Variants in LHFPL3 observed in about 807,000 individuals in gnomAD.
LHFPL3 encodes the protein LHFPL tetraspan subfamily member 3, also known as LHFPL tetraspan subfamily member 3 protein.
Under a neutral mutation model 19.3 loss-of-function variants are expected in LHFPL3, and 5 were observed. That is an observed-to-expected ratio of 0.26 (90% CI 0.14 to 0.54). The LOEUF is 0.54. LHFPL3 is among the 20% of genes least tolerant of loss of function. LHFPL3 has a pLI of 0.94. For synonymous variants in LHFPL3, 133 were observed against 126.2 expected (o/e 1.05, Z -0.36); for missense variants, 249 against 307.4 (o/e 0.81, Z 1.42).
Position 104,584,313 on chromosome 7 carries a change from TG to T in LHFPL3, c.446-152356del, listed in dbSNP as rs1185127632. On this transcript the variant is annotated intron_variant, in intron 1 of 2. Coordinates refer to ENST00000424859, the MANE Select transcript of LHFPL3 (RefSeq NM_199000.3). ...TCACACACTAGGGACTGTTGTGGGG[TG>T]GGGGGAGAGGGGAGGGATAGCATTA... Among the ~76,000 whole-genome samples the T allele has an allele frequency of 1.4e-4, 21 of 145,172 alleles. No homozygotes were observed. In the East Asian group the frequency reaches 4.1e-3, roughly 28 times the overall value.
At chr7:104,476,769 CT>C (rs201044111) in intron 1 of LHFPL3, among the ~76,000 whole-genome samples, 11 of 151,702 alleles carry the variant, frequency 7.3e-5, no homozygotes, top group African/African-American at 2.4e-4. Context: ...CAGCTTCCTG[CT>C]TTTTTTTATT....
intron 1 of LHFPL3, among the ~76,000 whole-genome samples, chr7:104,591,907 C>G (rs550212611): frequency 6.6e-6 from 1 of 152,176 alleles, no homozygotes; most frequent in Non-Finnish European, 1.5e-5. Context: ...TTGATCAAAT[C>G]GGCTACTGAA....
intron 1 of LHFPL3, among the ~76,000 whole-genome samples, chr7:104,439,118 T>G (rs75037090): frequency 6.6e-6 from 1 of 152,132 alleles, no homozygotes; most frequent in South Asian, 2.1e-4. Context: ...CAGAACAAAC[T>G]TGAGTTCTAG....
intron 1 of LHFPL3, among the ~76,000 whole-genome samples, chr7:104,460,389 T>C (rs762380737): frequency 5.9e-5 from 9 of 152,202 alleles, no homozygotes; most frequent in Non-Finnish European, 1.0e-4. Flanking sequence ...CTGGGTCAAG[T>C]AGTAGTTCTA....
intron 1 of LHFPL3, chr7:104,668,427 C>A: frequency 6.2e-7 from 1 of 1,606,086 alleles, no homozygotes; most frequent in South Asian, 1.1e-5. Context: ...GTATCGAGAT[C>A]GTTATGATTC....
intron 1 of LHFPL3, among the ~76,000 whole-genome samples, chr7:104,455,401 C>T (rs182331882): frequency 1.9e-4 from 29 of 152,264 alleles, no homozygotes; most frequent in African/African-American, 6.5e-4. Context: ...AAAACAGGGA[C>T]TTAGACTTTC....
intron 1 of LHFPL3, among the ~76,000 whole-genome samples, chr7:104,338,317 TCTCGATCTCCTGAC>T (rs1789878011): frequency 6.6e-6 from 1 of 152,012 alleles, no homozygotes; most frequent in African/African-American, 2.4e-5. Flanking sequence ...GCCAGGATGG[TCTCGATCTCCTGAC>T]CTCGTGATCT....
chr7:104,518,690 A>T (rs988697432), intron 1 of LHFPL3, among the ~76,000 whole-genome samples: 1 of 152,172 alleles, frequency 6.6e-6, no homozygotes, highest in Admixed American at 6.5e-5. Context: ...AAGCTGAGGC[A>T]GGAGAATCAC....
rs538242039 is a variant in LHFPL3 at position 104,451,371 on chromosome 7, T to C, written c.445+122147T>C. ...GGAATCAGTAAGGCAAGCCAATCAATTATAAATTGACTAAGCATATCTAAT... is the reference window on the plus strand; with the variant it reads ...GGAATCAGTAAGGCAAGCCAATCAACTATAAATTGACTAAGCATATCTAAT... On this transcript the variant is annotated intron_variant, in intron 1 of 2. Coordinates refer to ENST00000424859, the MANE Select transcript of LHFPL3 (RefSeq NM_199000.3). Among the ~76,000 whole-genome samples, 5 of 152,318 alleles carry C rather than the reference T, an allele frequency of 3.3e-5. No individual in the cohort carries two copies. In the East Asian group the frequency reaches 9.7e-4, roughly 29 times the overall value.
intron 2 of LHFPL3, among the ~76,000 whole-genome samples, chr7:104,785,983 C>G (rs1789903070): frequency 6.6e-6 from 1 of 152,162 alleles, no homozygotes; most frequent in Non-Finnish European, 1.5e-5. Flanking sequence ...AACACACTTG[C>G]CCTCTGCACA....
rs187178945 is a variant in LHFPL3 at position 104,828,994 on chromosome 7, C to T, written c.683-77193C>T. ...AGGCTGCAGTGAGCCAAGATCGTAC[C>T]GCTGCCTGCGTGGGCAACAGAGTGA... is the stretch of plus-strand genomic sequence containing the variant. On this transcript the variant is annotated intron_variant, in intron 2 of 2. Coordinates refer to ENST00000424859, the MANE Select transcript of LHFPL3 (RefSeq NM_199000.3). Among the ~76,000 whole-genome samples, 46 of 151,178 alleles carry T rather than the reference C, an allele frequency of 3.0e-4. No homozygotes were observed. The South Asian group carries it at 6.5e-3, about 21-fold the overall frequency.
intron 1 of LHFPL3, among the ~76,000 whole-genome samples, chr7:104,653,176 C>T (rs538601203): frequency 6.6e-6 from 1 of 152,304 alleles, no homozygotes; most frequent in South Asian, 2.1e-4. Context: ...AGTTGGGGTA[C>T]ATGAAATCGT....
chr7:104,432,198 C>G (rs1426221633), intron 1 of LHFPL3, among the ~76,000 whole-genome samples: 1 of 152,170 alleles, frequency 6.6e-6, no homozygotes, highest in Non-Finnish European at 1.5e-5. Context: ...CTGGCCTCCC[C>G]AAGAGTTTCT....
intron 1 of LHFPL3, among the ~76,000 whole-genome samples, chr7:104,735,367 A>C (rs10239238): frequency 7.9e-5 from 12 of 152,278 alleles, no homozygotes; most frequent in Admixed American, 5.2e-4. Flanking sequence ...GGCTCCACCC[A>C]GTTCGAGCTT....
intron 2 of LHFPL3, among the ~76,000 whole-genome samples, chr7:104,754,043 G>A (rs1353569356): frequency 6.6e-6 from 1 of 152,154 alleles, no homozygotes; most frequent in African/African-American, 2.4e-5. Flanking sequence ...GACCATGTAT[G>A]AGGATATTCA....
intron 1 of LHFPL3, among the ~76,000 whole-genome samples, chr7:104,687,874 A>C (rs1792835760): frequency 6.6e-6 from 1 of 152,196 alleles, no homozygotes; most frequent in Non-Finnish European, 1.5e-5. Context: ...CTCTAGCAGA[A>C]TGGGTGGTAG....
chr7:104,533,453 A>G (rs1301281781), intron 1 of LHFPL3, among the ~76,000 whole-genome samples: 2 of 152,266 alleles, frequency 1.3e-5, no homozygotes, highest in East Asian at 3.9e-4. Context: ...CTAATGACTC[A>G]CTCATCCCTG....
chr7:104,519,283 G>A (rs1793996408), intron 1 of LHFPL3, among the ~76,000 whole-genome samples: 2 of 152,168 alleles, frequency 1.3e-5, no homozygotes, highest in Admixed American at 1.3e-4. Context: ...CTCATGCTGA[G>A]TGCACTGAGA....
At chr7:104,408,294 C>A (rs2116506521) in intron 1 of LHFPL3, among the ~76,000 whole-genome samples, 1 of 151,954 alleles carries the variant, frequency 6.6e-6, no homozygotes, top group Non-Finnish European at 1.5e-5. Context: ...TTCAGAATCC[C>A]TTTGTTATTC....
Sources: gnomAD v4.1 joint callset for allele counts (sites outside exome capture counted in the v4.1 genomes callset) on GRCh38, gnomAD v4.1.1 for gene constraint, MANE v1.5 for transcripts, NCBI Gene and HGNC (gene_info 2026-07-23, HGNC 2026-07-21) for gene names.